Variants in CHRM3 observed in about 807,000 individuals in gnomAD.
CHRM3 encodes muscarinic acetylcholine receptor M3.
A neutral mutation model predicts 41.8 loss-of-function variants in CHRM3; 11 were observed. The observed-to-expected ratio is 0.26, with a 90% CI of 0.17 to 0.44. The LOEUF is 0.44. CHRM3 is among the 20% of genes least tolerant of loss of function. The pLI is 1.00. For synonymous variants in CHRM3, 297 were observed against 301.4 expected (o/e 0.99, Z 0.15); for missense variants, 571 against 745.4 (o/e 0.77, Z 2.72).
At chr1:239,468,100 G>A (rs1002170278) in intron 1 of CHRM3, among the ~76,000 whole-genome samples, 9 of 152,098 alleles carry the variant, frequency 5.9e-5, no homozygotes, top group African/African-American at 2.2e-4. Context: ...CTTGTGAAAG[G>A]CATATATAAA....
At chr1:239,700,443 A>G (rs1180358924) in intron 5 of CHRM3, among the ~76,000 whole-genome samples, 1 of 152,160 alleles carries the variant, frequency 6.6e-6, no homozygotes, top group Non-Finnish European at 1.5e-5. Context: ...CAAGTCCCAA[A>G]CTCTGAAACT....
intron 5 of CHRM3, among the ~76,000 whole-genome samples, chr1:239,702,411 A>G (rs1256983476): frequency 6.6e-6 from 1 of 152,122 alleles, no homozygotes; most frequent in Non-Finnish European, 1.5e-5. Context: ...TCTGTTTGCT[A>G]AGTAATCTCC....
chr1:239,613,326 T>G (rs1667272724), intron 3 of CHRM3, among the ~76,000 whole-genome samples: 1 of 152,346 alleles, frequency 6.6e-6, no homozygotes, highest in East Asian at 1.9e-4. Context: ...GACTAGTGAC[T>G]TGGAGCAGAA....
At chr1:239,450,110 G>A (rs1664456021) in intron 1 of CHRM3, among the ~76,000 whole-genome samples, 1 of 152,146 alleles carries the variant, frequency 6.6e-6, no homozygotes, top group Non-Finnish European at 1.5e-5. Context: ...TCCTCCCCGT[G>A]AGAGTCTTGT....
intron 1 of CHRM3, among the ~76,000 whole-genome samples, chr1:239,482,788 G>A (rs531610529): frequency 6.6e-6 from 1 of 152,160 alleles, no homozygotes; most frequent in African/African-American, 2.4e-5. Flanking sequence ...TTAGTGGCTA[G>A]AAATTAGTAG....
intron 3 of CHRM3, among the ~76,000 whole-genome samples, chr1:239,593,161 A>C (rs1026565364): frequency 2.0e-5 from 3 of 152,132 alleles, no homozygotes; most frequent in Non-Finnish European, 4.4e-5. Context: ...GTTTATGTTT[A>C]TGGGATTATC....
rs758413973 is a variant in CHRM3, at chr1:239,874,285, GTATATATATATATATATATA to G, written c.-19-33125_-19-33106del. Among the ~76,000 whole-genome samples, 50 of 83,254 alleles carry G rather than the reference GTATATATATATATATATATA, an allele frequency of 6.0e-4. 1 individual carries two copies. Among genetic ancestry groups the G allele is most frequent in the African/African-American group, 2.7e-3 (44 of 16,436 alleles). 54.6% of individuals were successfully genotyped at this position (83,254 alleles called of 152,430 possible). ...AGACCTATATATATCTATATACACAGTATATATATATATATATATATATATATATATATATATATATACAC... is the reference window on the plus strand; with the variant it reads ...AGACCTATATATATCTATATACACAGTATATATATATATATATATATACAC... On this transcript the variant is annotated intron_variant, in intron 6 of 6. Coordinates refer to ENST00000676153, the MANE Select transcript of CHRM3 (RefSeq NM_001375978.1).
intron 1 of CHRM3, among the ~76,000 whole-genome samples, chr1:239,415,311 G>A (rs1038573364): frequency 3.3e-5 from 5 of 152,086 alleles, no homozygotes; most frequent in African/African-American, 1.2e-4. Context: ...ATGGTGGCAC[G>A]TGCCTGTAAT....
intron 5 of CHRM3, among the ~76,000 whole-genome samples, chr1:239,712,472 G>C (rs1239979577): frequency 6.6e-6 from 1 of 152,120 alleles, no homozygotes; most frequent in African/African-American, 2.4e-5. Flanking sequence ...TTATCATCAG[G>C]ATCTTATGCT....
intron 5 of CHRM3, among the ~76,000 whole-genome samples, chr1:239,755,704 C>A (rs1042069036): frequency 6.6e-6 from 1 of 152,180 alleles, no homozygotes; most frequent in Non-Finnish European, 1.5e-5. Flanking sequence ...TTCTGAAGCA[C>A]TGTTGGTTCC....
At chr1:239,462,556 G>A (rs927528408) in intron 1 of CHRM3, among the ~76,000 whole-genome samples, 9 of 152,174 alleles carry the variant, frequency 5.9e-5, no homozygotes, top group South Asian at 2.1e-4. Flanking sequence ...TGCAGGGTAC[G>A]TGTAAAAATA....
At chr1:239,450,689 A>C in intron 1 of CHRM3, among the ~76,000 whole-genome samples, 1 of 152,194 alleles carries the variant, frequency 6.6e-6, no homozygotes, top group East Asian at 1.9e-4. Context: ...TTTGAAATAT[A>C]TTGCCAAATG....
chr1:239,895,121 C>T (rs763911638), intron 6 of CHRM3, among the ~76,000 whole-genome samples: 6 of 152,212 alleles, frequency 3.9e-5, no homozygotes, highest in East Asian at 1.9e-4. Flanking sequence ...GATGTGTTTA[C>T]GGAGAACTCA....
chr1:239,448,934 G>T (rs979175543), intron 1 of CHRM3, among the ~76,000 whole-genome samples: 4 of 152,106 alleles, frequency 2.6e-5, no homozygotes, highest in African/African-American at 9.7e-5. Flanking sequence ...GAATACCGTG[G>T]TCTGAAAATC....
intron 5 of CHRM3, among the ~76,000 whole-genome samples, chr1:239,787,010 C>T (rs1668959212): frequency 6.6e-6 from 1 of 151,976 alleles, no homozygotes; most frequent in South Asian, 2.1e-4. Context: ...GTCAGAGGGG[C>T]CAGACAAGAG....
At chr1:239,740,318 A>C (rs2148488751) in intron 5 of CHRM3, among the ~76,000 whole-genome samples, 1 of 152,270 alleles carries the variant, frequency 6.6e-6, no homozygotes, top group Admixed American at 6.5e-5. Flanking sequence ...GCTTTGCATA[A>C]AATTTGGAAG....
intron 3 of CHRM3, among the ~76,000 whole-genome samples, chr1:239,590,021 C>G (rs1052278207): frequency 6.6e-6 from 1 of 152,056 alleles, no homozygotes; most frequent in African/African-American, 2.4e-5. Flanking sequence ...TTATATTTCT[C>G]TCTGAAGTGT....
intron 4 of CHRM3, among the ~76,000 whole-genome samples, chr1:239,642,460 C>T (rs965353123): frequency 6.6e-5 from 10 of 152,050 alleles, no homozygotes; most frequent in Non-Finnish European, 1.0e-4. Context: ...AGGCTTTGTT[C>T]GTTTCTTTAT....
At chr1:239,840,409 A>T (rs1462785247) in intron 6 of CHRM3, among the ~76,000 whole-genome samples, 1 of 152,240 alleles carries the variant, frequency 6.6e-6, no homozygotes, top group African/African-American at 2.4e-5. Flanking sequence ...AATAATGCCC[A>T]AAGAAGCAAT....
Sources: allele counts gnomAD v4.1 joint callset (sites outside exome capture counted in the v4.1 genomes callset), GRCh38; gene constraint gnomAD v4.1.1; transcripts MANE v1.5; gene names NCBI Gene and HGNC (gene_info 2026-07-23, HGNC 2026-07-21).